The following SCMH1 variants were observed in gnomAD, a reference collection of about 807,000 sequenced individuals.
The protein encoded by SCMH1 is polycomb protein SCMH1.
SCMH1 carries 37 observed loss-of-function variants against 70.8 expected under a neutral mutation model. That is an observed-to-expected ratio of 0.52 (90% confidence interval 0.40 to 0.69). The LOEUF (loss-of-function observed/expected upper bound fraction) is 0.69, where lower values mean the gene tolerates loss of function less well. Ranked by LOEUF, SCMH1 falls within the 30% of genes least tolerant of loss-of-function variation. SCMH1 has a pLI of 0.00. For missense variants in SCMH1, 607 were observed against 827.3 expected (o/e 0.73, Z 3.27); for synonymous variants, 292 against 307.4 (o/e 0.95, Z 0.52).
At position 41,085,497 on chromosome 1, in the gene SCMH1, C is replaced by T. The variant is rs140014057; in HGVS notation, c.746-10046G>A. Among the ~76,000 whole-genome samples, 28 of 152,252 alleles carry T rather than the reference C, an allele frequency of 1.8e-4. No homozygotes were observed. The East Asian group carries it at 3.5e-3, about 19-fold the overall frequency. On this transcript the variant is annotated intron_variant, in intron 8 of 14. Coordinates refer to ENST00000337495, the Ensembl canonical transcript of SCMH1. ...CTAGCTCCACTAATATTTAACATTG[C>T]ACTGGAGGTATTAACCAAAGTATTA...
chr1:41,122,254 C>G (rs1027969757), intron 6 of SCMH1, among the ~76,000 whole-genome samples: 11 of 152,122 alleles, frequency 7.2e-5, no homozygotes, highest in African/African-American at 2.7e-4. Context: ...CCCTTGTACC[C>G]CTATTCATTG....
At chr1:41,230,113 C>A (rs1434368151) in intron 1 of SCMH1, among the ~76,000 whole-genome samples, 1 of 152,062 alleles carries the variant, frequency 6.6e-6, no homozygotes, top group Non-Finnish European at 1.5e-5. Flanking sequence ...TTTGTATATC[C>A]AATGCAATGG....
At chr1:41,034,013 C>G (rs761799053) in intron 13 of SCMH1, 2 of 1,613,738 alleles carry the variant, frequency 1.2e-6, no homozygotes, top group African/African-American at 2.7e-5. Flanking sequence ...CAAAATGATT[C>G]CATATCCCTT....
At chr1:41,218,241 A>C (rs2148832130) in intron 1 of SCMH1, among the ~76,000 whole-genome samples, 1 of 152,274 alleles carries the variant, frequency 6.6e-6, no homozygotes, top group East Asian at 1.9e-4. Context: ...CAGAATTGTG[A>C]ACTGTGTTAA....
At chr1:41,118,175 C>T (rs941820068) in intron 6 of SCMH1, among the ~76,000 whole-genome samples, 15 of 152,140 alleles carry the variant, frequency 9.9e-5, no homozygotes, top group Non-Finnish European at 1.6e-4. Context: ...AGGAGAAACA[C>T]CTCATTAGAC....
intron 1 of SCMH1, among the ~76,000 whole-genome samples, chr1:41,195,668 C>T (rs1652857852): frequency 6.6e-6 from 1 of 152,116 alleles, no homozygotes; most frequent in South Asian, 2.1e-4. Flanking sequence ...ACAAAGATAG[C>T]CACTTTCACC....
intron 1 of SCMH1, among the ~76,000 whole-genome samples, chr1:41,196,187 C>A (rs967797077): frequency 1.3e-5 from 2 of 151,956 alleles, no homozygotes; most frequent in South Asian, 4.1e-4. Flanking sequence ...AAAATCCAAA[C>A]GGCATTTTTG....
At chr1:41,084,870 C>T (rs1048169929) in intron 8 of SCMH1, among the ~76,000 whole-genome samples, 8 of 151,170 alleles carry the variant, frequency 5.3e-5, no homozygotes, top group Admixed American at 2.0e-4. Flanking sequence ...AGTAAACTAT[C>T]GCAAGAACAA....
intron 10 of SCMH1, among the ~76,000 whole-genome samples, chr1:41,053,010 C>T (rs901601853): frequency 2.0e-5 from 3 of 151,394 alleles, no homozygotes; most frequent in Admixed American, 6.6e-5. Flanking sequence ...CTCCACCTCC[C>T]GGATTTAAGT....
At chr1:41,236,632 T>C (rs940100428) in intron 1 of SCMH1, among the ~76,000 whole-genome samples, 2 of 152,226 alleles carry the variant, frequency 1.3e-5, no homozygotes, top group African/African-American at 4.8e-5. Context: ...GGCCCCCCTC[T>C]GCCCTTTGGA....
chr1:41,242,224 G>C (rs1557907665), upstream of SCMH1: 1 of 145,848 alleles, frequency 6.9e-6, no homozygotes, highest in Non-Finnish European at 1.5e-5. This position sits in a 1 kb window ranked among gnomAD's most constrained non-coding sequence, Gnocchi z 5.2. Context: ...GGCTGAGGCG[G>C]GGGGCGGGGC....
intron 6 of SCMH1, among the ~76,000 whole-genome samples, chr1:41,117,367 C>T (rs1670738706): frequency 6.6e-6 from 1 of 151,390 alleles, no homozygotes; most frequent in Non-Finnish European, 1.5e-5. Context: ...CGGACAGGGC[C>T]ACCAGAGGGC....
intron 1 of SCMH1, among the ~76,000 whole-genome samples, chr1:41,241,825 G>A (rs1313452366): frequency 6.6e-6 from 1 of 151,804 alleles, no homozygotes; most frequent in East Asian, 1.9e-4. Flanking sequence ...CCGCCCGCCC[G>A]ACCGCAGATG....
At chr1:41,091,725 T>C (rs1467386918) in intron 8 of SCMH1, among the ~76,000 whole-genome samples, 19 of 152,004 alleles carry the variant, frequency 1.2e-4, no homozygotes, top group Admixed American at 1.2e-3. Context: ...TATACACCAA[T>C]AACAGACAAA....
chr1:41,220,993 A>G (rs1659137387), intron 1 of SCMH1, among the ~76,000 whole-genome samples: 1 of 152,140 alleles, frequency 6.6e-6, no homozygotes, highest in Non-Finnish European at 1.5e-5. Flanking sequence ...TTTAATTGTC[A>G]AATGAGGATG....
intron 8 of SCMH1, among the ~76,000 whole-genome samples, chr1:41,099,319 C>T (rs935448323): frequency 3.3e-5 from 5 of 152,164 alleles, no homozygotes; most frequent in African/African-American, 4.8e-5. Context: ...ACATTTCAAA[C>T]GCATCCAAAC....
At position 41,114,661 on chromosome 1, in the gene SCMH1, T is replaced by TTCTC. The variant is rs61013208; in HGVS notation, c.502-1139_502-1136dup. Among the ~76,000 whole-genome samples, 680 of 148,062 alleles carry TTCTC rather than the reference T, an allele frequency of 4.6e-3. 1 individual carries two copies. The highest frequency in any genetic ancestry group is 0.01 in the African/African-American group (414 of 39,832). On this transcript the variant is annotated intron_variant, in intron 7 of 14. Coordinates refer to ENST00000337495, the Ensembl canonical transcript of SCMH1. The stretch of plus-strand genomic sequence containing the variant: ...TCTTTTCCACTTGTTAAGATTTCCT[T>TTCTC]TCTCTCTCTCTCTCTCTCTCTCTTT...
At chr1:41,115,890 T>C (rs1446638871) in intron 7 of SCMH1, among the ~76,000 whole-genome samples, 1 of 152,258 alleles carries the variant, frequency 6.6e-6, no homozygotes, top group Admixed American at 6.5e-5. Context: ...GTGTCTCTTA[T>C]ACATAGCATA....
intron 1 of SCMH1, among the ~76,000 whole-genome samples, chr1:41,190,945 G>A (rs1651564617): frequency 6.6e-6 from 1 of 152,214 alleles, no homozygotes; most frequent in African/African-American, 2.4e-5. Flanking sequence ...CATGATCATA[G>A]TTCACTGCAG....
Sources: gnomAD v4.1 joint callset for allele counts (sites outside exome capture counted in the v4.1 genomes callset) on GRCh38, gnomAD v4.1.1 for gene constraint, Gnocchi (gnomAD v3.1) non-coding constraint, MANE v1.5 for transcripts, NCBI Gene and HGNC (gene_info 2026-07-23, HGNC 2026-07-21) for gene names.